The following ADPRH variants were observed in gnomAD, a reference collection of about 807,000 sequenced individuals.
The protein encoded by ADPRH is ADP-ribose-L-arginine cleaving enzyme.
Under a neutral mutation model 28.8 loss-of-function variants are expected in ADPRH, and 27 were observed. The ratio of observed to expected loss-of-function variants is 0.94; its 90% CI spans 0.69 to 1.29. ADPRH has a LOEUF of 1.29. Ranked by LOEUF, ADPRH falls within the 50% of genes most tolerant of loss-of-function variation. The pLI, the probability that ADPRH is intolerant of heterozygous loss-of-function variation, is 0.00. For synonymous variants in ADPRH, 161 were observed against 166.9 expected, an observed-to-expected ratio of 0.96 and a Z score of 0.27; for missense variants, 419 against 444.8, an observed-to-expected ratio of 0.94 and a Z score of 0.52.
At chr3:119,584,923 T>A (rs2082443846) in intron 3 of ADPRH, among the ~76,000 whole-genome samples, 1 of 152,194 alleles carries the variant, frequency 6.6e-6, no homozygotes, top group Admixed American at 6.5e-5. Flanking sequence ...GGTGTTTCTG[T>A]GTGTTTGCAT....
Position 119,587,781 on chromosome 3 carries a change from C to A in ADPRH, c.977C>A (p.Ser326Tyr), listed in dbSNP as rs561632624. 20 of 1,614,136 alleles carry A rather than the reference C, an allele frequency of 1.2e-5. No individual in the cohort carries two copies. The South Asian group carries it at 2.2e-4, about 18-fold the overall frequency. ...VMYGFKGVSP[S>Y]NYEKLEYRNR... ...TATGGTTTTAAAGGAGTGAGTCCCT[C>A]CAACTATGAGAAACTAGAATACAGA... The change falls in exon 5 of 5, where the codon TCC (serine) becomes TAC (tyrosine). Residue 326 changes from serine (S) to tyrosine (Y), a missense_variant. Physicochemically the swap from Ser to Tyr is moderately radical, Grantham distance 144. Coordinates refer to ENST00000357003, the MANE Select transcript of ADPRH (RefSeq NM_001125.4).
chr3:119,584,612 G>A (rs1010138082), intron 3 of ADPRH, among the ~76,000 whole-genome samples: 6 of 152,172 alleles, frequency 3.9e-5, no homozygotes, highest in Non-Finnish European at 7.3e-5. Context: ...CCACAGGTTC[G>A]CTCACAAGTG....
chr3:119,583,158 G>A (rs933247199), intron 3 of ADPRH, among the ~76,000 whole-genome samples: 7 of 152,190 alleles, frequency 4.6e-5, no homozygotes, highest in Non-Finnish European at 1.0e-4. Flanking sequence ...GAGCCCGGGA[G>A]GTTGAGGCTA....
intron 4 of ADPRH, among the ~76,000 whole-genome samples, 195 bp from the exon 5 acceptor site, chr3:119,587,269 G>C (rs2082470639): frequency 6.6e-6 from 1 of 152,132 alleles, no homozygotes; most frequent in Non-Finnish European, 1.5e-5. Flanking sequence ...TATTTATGTA[G>C]ATCCTTATGA....
At chr3:119,587,338 T>C (rs1169261656) in intron 4 of ADPRH, 126 bp from the exon 5 acceptor site, 2 of 640,174 alleles carry the variant, frequency 3.1e-6, no homozygotes, top group African/African-American at 3.7e-5. Flanking sequence ...AAATAGTTTA[T>C]GATATTACTG....
chr3:119,583,089 T>C (rs745730364), intron 3 of ADPRH, among the ~76,000 whole-genome samples: 3 of 152,068 alleles, frequency 2.0e-5, no homozygotes, highest in Admixed American at 2.0e-4. Flanking sequence ...ATTAGCCAGG[T>C]GTCATGGCAC....
chr3:119,584,306 T>C (rs889341395), intron 3 of ADPRH, among the ~76,000 whole-genome samples: 1 of 152,064 alleles, frequency 6.6e-6, no homozygotes, highest in African/African-American at 2.4e-5. Flanking sequence ...CTCATGCCTG[T>C]AATCCAAGCA....
chr3:119,585,572 C>T (rs186997283), intron 3 of ADPRH, among the ~76,000 whole-genome samples: 19 of 152,300 alleles, frequency 1.2e-4, no homozygotes, highest in African/African-American at 4.1e-4. Context: ...TGTTTTGAGA[C>T]GGAGTCTCGC....
In ADPRH at chr3:119,586,494, C is replaced by G. The variant is rs771324233; in HGVS notation, c.508C>G (p.Leu170Val). Residue 170 changes from leucine (L) to valine (V), a missense_variant, in exon 4 of 5, where the codon CTG becomes GTG. By Grantham distance (32) the Leu-to-Val change is conservative. Coordinates refer to ENST00000357003, the MANE Select transcript of ADPRH (RefSeq NM_001125.4). The stretch of plus-strand genomic sequence containing the variant: ...GACCCACCACCACCCAACAGGCTAC[C>G]TGGGGGCCCTTGCGTCTGCTCTTTT... ...RMTHHHPTGY[L>V]GALASALFTA... is the part of the protein sequence containing the mutation. 6.2e-7 allele frequency: 1 copy of G among 1,614,266 alleles called. No individual in the cohort carries two copies. Among genetic ancestry groups the G allele is most frequent in the Non-Finnish European group, 8.5e-7 (1 of 1,180,052 alleles).
At chr3:119,586,717 G>C in intron 4 of ADPRH, 72 bp downstream of exon 4, 1 of 1,568,400 alleles carries the variant, frequency 6.4e-7, no homozygotes. Flanking sequence ...GCACATATAT[G>C]TCTTGTATTC....
chr3:119,584,428 T>G (rs1269972153), intron 3 of ADPRH, among the ~76,000 whole-genome samples: 1 of 152,036 alleles, frequency 6.6e-6, no homozygotes, highest in Non-Finnish European at 1.5e-5. Flanking sequence ...CTGGGTGTGA[T>G]GGTGCACACC....
chr3:119,586,272 G>A lies in ADPRH; in HGVS notation c.299-13G>A, dbSNP rs767066865. The A allele has an allele frequency of 2.3e-5, 37 of 1,612,246 alleles. No individual in the cohort carries two copies. The East Asian group carries it at 2.7e-4, about 12-fold the overall frequency. On this transcript the variant is annotated splice_polypyrimidine_tract_variant and intron_variant, in intron 3 of 4. Coordinates refer to ENST00000357003, the MANE Select transcript of ADPRH (RefSeq NM_001125.4). ...TTATGCTAACCCCCATCCCTTATCC[G>A]ACTCTTCCCCAGGTGGTGCCTCGGT... is the stretch of plus-strand genomic sequence containing the variant.
In ADPRH at chr3:119,589,765, C is replaced by T. The variant is rs1352850756; in HGVS notation, c.*1887C>T. ...CTTTCAGACTTCTTTTTTCTCAAAC[C>T]TCAAAACTTCCACCCCAAACTTCGC... On this transcript the variant is annotated 3_prime_UTR_variant, in exon 5 of 5. Coordinates refer to ENST00000357003, the MANE Select transcript of ADPRH (RefSeq NM_001125.4). 6.6e-6 allele frequency: 1 copy of T among 152,142 alleles called. No homozygotes were observed. The highest frequency in any genetic ancestry group is 2.4e-5 in the African/African-American group (1 of 41,414). The allele number at this position is 152,142 out of a possible 1,614,324, so 9.4% of individuals were successfully genotyped here.
intron 3 of ADPRH, among the ~76,000 whole-genome samples, chr3:119,583,180 G>A (rs1299429976): frequency 6.6e-6 from 1 of 152,098 alleles, no homozygotes; most frequent in African/African-American, 2.4e-5. Context: ...AGTGAGCTAG[G>A]ATCGTGCCAC....
intron 3 of ADPRH, 76 bp from the exon 4 acceptor site, chr3:119,586,209 A>T: frequency 6.4e-7 from 1 of 1,570,478 alleles, no homozygotes; most frequent in Non-Finnish European, 8.7e-7. Flanking sequence ...TTGGAGACAG[A>T]GTTTAGTTAT....
intron 1 of ADPRH, chr3:119,580,052 A>C (rs987925663): frequency 6.6e-6 from 1 of 152,252 alleles, no homozygotes; most frequent in African/African-American, 2.4e-5. Context: ...CGAGAATGTG[A>C]CCCGTGAAAG....
chr3:119,585,266 A>G (rs2082447123), intron 3 of ADPRH, among the ~76,000 whole-genome samples: 1 of 152,216 alleles, frequency 6.6e-6, no homozygotes, highest in African/African-American at 2.4e-5. Flanking sequence ...AACACTGACC[A>G]GTAAAGGAAC....
chr3:119,589,421 T>C lies in ADPRH; in HGVS notation c.*1543T>C, dbSNP rs961731052. ...AACTATGACTCTCATGATTTTTCCT[T>C]TGTGAAATCCCTGGTTTTCAGCTGG... is the stretch of plus-strand genomic sequence containing the variant. On this transcript the variant is annotated 3_prime_UTR_variant, in exon 5 of 5. Transcript: ENST00000357003. 1 of 151,684 alleles carries C rather than the reference T, an allele frequency of 6.6e-6. No individual in the cohort carries two copies. 9.4% of individuals were successfully genotyped at this position (151,684 alleles called of 1,614,324 possible). A position where few individuals can be genotyped will look rare whatever the true frequency, so the allele number is the denominator to read the frequency against.
rs1377059805 is a variant in ADPRH, at chr3:119,588,300, C to T, written c.*422C>T. 3 of 154,824 alleles carry T rather than the reference C, an allele frequency of 1.9e-5. No homozygotes were observed. Among genetic ancestry groups the T allele is most frequent in the African/African-American group, 7.2e-5 (3 of 41,480 alleles). The allele number at this position is 154,824 out of a possible 1,614,324, so 9.6% of individuals were successfully genotyped here. A position where few individuals can be genotyped will look rare whatever the true frequency, so the allele number is the denominator to read the frequency against. On this transcript the variant is annotated 3_prime_UTR_variant, in exon 5 of 5. Coordinates refer to ENST00000357003, the MANE Select transcript of ADPRH (RefSeq NM_001125.4). ...CCGATATGAGAATGGGGAAATGAAA[C>T]CAGGAAGGGAAGAGAGCTAGTATGG...
Sources: allele counts gnomAD v4.1 joint callset (sites outside exome capture counted in the v4.1 genomes callset), GRCh38; gene constraint gnomAD v4.1.1; transcripts MANE v1.5; gene names NCBI Gene and HGNC (gene_info 2026-07-23, HGNC 2026-07-21).